PAQR3: variants seen among roughly 807,000 people sequenced by gnomAD.
PAQR3 encodes progestin and adipoQ receptor family member 3, also known as Raf kinase trapping to Golgi.
PAQR3 carries 39 observed loss-of-function variants against 41.7 expected under a neutral mutation model. The ratio of observed to expected loss-of-function variants is 0.93; its 90% CI spans 0.72 to 1.22. The LOEUF is 1.22. PAQR3 is among the 50% of genes most tolerant of loss of function. The probability of loss-of-function intolerance (pLI) is 0.00; values close to 1 mark genes in which losing one functional copy is unlikely to be tolerated. For synonymous variants in PAQR3, 140 were observed against 140.6 expected (o/e 1.00, Z 0.03); for missense variants, 366 against 385.6 (o/e 0.95, Z 0.42).
chr4:78,911,462 A>G, downstream of PAQR3: 14 of 1,614,066 alleles, frequency 8.7e-6, no homozygotes, highest in Non-Finnish European at 1.2e-5. Flanking sequence ...AAAGTCAAAC[A>G]GCGCAGCTTA....
chr4:78,926,847 T>C lies in PAQR3; in HGVS notation c.505-129A>G. On this transcript the variant is annotated intron_variant, in intron 3 of 5. Transcript: ENST00000512733. ...GTATTTGCATTTCAAAATAGGATTA[T>C]CTCCCTTCATTAAAAAATATGTTCC... 3.9e-6 allele frequency: 3 copies of C among 776,210 alleles called. No homozygotes were observed. In the East Asian group the frequency reaches 8.0e-5, roughly 21 times the overall value. The allele number at this position is 776,210 out of a possible 1,614,324, so 48.1% of individuals were successfully genotyped here.
chr4:78,904,289 A>T (rs1734174506), intron 11 of PAQR3, among the ~76,000 whole-genome samples: 1 of 151,770 alleles, frequency 6.6e-6, no homozygotes, highest in Non-Finnish European at 1.5e-5. Context: ...TTGCCCTAAA[A>T]TGTTGTGGGG....
chr4:78,931,497 A>G (rs915546078), intron 2 of PAQR3, among the ~76,000 whole-genome samples: 13 of 152,240 alleles, frequency 8.5e-5, no homozygotes, highest in Non-Finnish European at 1.6e-4. Flanking sequence ...AGCTGTTCTG[A>G]TAATTGATAA....
At chr4:78,896,528 A>G (rs1217631294) in intron 11 of PAQR3, among the ~76,000 whole-genome samples, 1 of 152,176 alleles carries the variant, frequency 6.6e-6, no homozygotes, top group African/African-American at 2.4e-5. Context: ...GATTAATAAG[A>G]AAAATATATG....
intron 11 of PAQR3, among the ~76,000 whole-genome samples, chr4:78,898,656 T>G (rs1189266101): frequency 1.4e-5 from 2 of 145,466 alleles, no homozygotes; most frequent in African/African-American, 5.1e-5. Flanking sequence ...AGACTCCATC[T>G]CAAAAAAAAA....
Position 78,912,101 on chromosome 4 carries a change from AAG to A in PAQR3, c.*8436_*8437del. ...AGTGTGAACAGTTTTATGAATTTGA[AAG>A]AAAATTTGGTAGCTCTTTATAGCAT... is the stretch of plus-strand genomic sequence containing the variant. On this transcript the variant is annotated 3_prime_UTR_variant, in exon 6 of 6. Transcript: ENST00000512733. 7.0e-7 allele frequency: 1 copy of A among 1,433,494 alleles called. No homozygotes were observed. The highest frequency in any genetic ancestry group is 9.5e-7 in the Non-Finnish European group (1 of 1,053,504). 88.8% of individuals were successfully genotyped at this position (1,433,494 alleles called of 1,614,324 possible).
chr4:78,922,555 A>G, intron 5 of PAQR3: 1 of 701,614 alleles, frequency 1.4e-6, no homozygotes, highest in Non-Finnish European at 2.2e-6. Flanking sequence ...GCCAAAACTT[A>G]CCTGGATTTG....
chr4:78,920,668 G>C lies in PAQR3; in HGVS notation c.807C>G (p.Tyr269Ter). The change falls in exon 6 of 6, where the codon TAC becomes TAG. Residue 269 changes from tyrosine (Y) to a stop codon, truncating the protein, a stop_gained. Coordinates refer to ENST00000512733, the MANE Select transcript of PAQR3 (RefSeq NM_001040202.2). LOFTEE classifies it high-confidence loss of function. ...PERYFPGQLN[Y>*]LGSSHQIWHI... ...GCCATATTTGGTGGCTTGATCCGAG[G>C]TAGTTTAGTTGTCCTGGAAAGAAGG... The C allele has an allele frequency of 6.2e-7, 1 of 1,605,958 alleles. No individual in the cohort carries two copies. Among genetic ancestry groups the C allele is most frequent in the Non-Finnish European group, 8.5e-7 (1 of 1,175,654 alleles).
At position 78,918,970 on chromosome 4, in the gene PAQR3, G is replaced by C. The variant is rs1305296973; in HGVS notation, c.*1569C>G. The stretch of plus-strand genomic sequence containing the variant: ...AGGTAAAACAGCCATTTTCAAAGCA[G>C]CCTTCCATCATAACGATGGGTAAGA... On this transcript the variant is annotated 3_prime_UTR_variant, in exon 6 of 6. Transcript: ENST00000512733. 3 of 984,924 alleles carry C rather than the reference G, an allele frequency of 3.0e-6. No individual in the cohort carries two copies. The highest frequency in any genetic ancestry group is 4.7e-5 in the South Asian group (1 of 21,276). 61.0% of individuals were successfully genotyped at this position (984,924 alleles called of 1,614,324 possible).
At position 78,887,644 on chromosome 4, in the gene PAQR3, A is replaced by G. The variant is rs527662299; in HGVS notation, c.*925-335T>C. ...TGCTCTCTTGTAGATGCATTTTAAA[A>G]GTATTAATAATTTTGTATTTGTCAC... On this transcript the variant is annotated intron_variant and NMD_transcript_variant, in intron 12 of 12. Transcript: ENST00000342820. Among the ~76,000 whole-genome samples the G allele has an allele frequency of 9.2e-5, 14 of 152,308 alleles. No individual in the cohort carries two copies. The South Asian group carries it at 2.9e-3, about 32-fold the overall frequency.
chr4:78,896,509 G>GTT (rs753360281), intron 11 of PAQR3, among the ~76,000 whole-genome samples: 8 of 152,046 alleles, frequency 5.3e-5, no homozygotes, highest in Non-Finnish European at 1.0e-4. Flanking sequence ...GTGACTCAGG[G>GTT]TTTTTAGTGA....
intron 11 of PAQR3, among the ~76,000 whole-genome samples, chr4:78,891,233 C>T (rs1466772546): frequency 1.3e-5 from 2 of 152,048 alleles, no homozygotes; most frequent in South Asian, 2.1e-4. Flanking sequence ...TTTTCTGATC[C>T]TTTATGTGTG....
chr4:78,918,942 A>AT lies in PAQR3; in HGVS notation c.*1596dup, dbSNP rs1735376450. 7.1e-6 allele frequency: 7 copies of AT among 985,100 alleles called. No homozygotes were observed. Among genetic ancestry groups the AT allele is most frequent in the Non-Finnish European group, 8.4e-6 (7 of 829,744 alleles). 61.0% of individuals were successfully genotyped at this position (985,100 alleles called of 1,614,324 possible). A position where few individuals can be genotyped will look rare whatever the true frequency, so the allele number is the denominator to read the frequency against. On this transcript the variant is annotated 3_prime_UTR_variant, in exon 6 of 6. Coordinates refer to ENST00000512733, the MANE Select transcript of PAQR3 (RefSeq NM_001040202.2). ...ACATATGGATCAAAATTTTAACCTT[A>AT]TAAGGTAAAACAGCCATTTTCAAAG...
At chr4:78,895,928 A>C (rs1217539953) in intron 11 of PAQR3, among the ~76,000 whole-genome samples, 1 of 151,860 alleles carries the variant, frequency 6.6e-6, no homozygotes, top group Non-Finnish European at 1.5e-5. Context: ...CGCCCAGCTA[A>C]TTTTTTAATT....
intron 5 of PAQR3, 28 bp from the exon 6 acceptor site, chr4:78,920,709 A>G (rs777225434): frequency 1.3e-6 from 2 of 1,588,122 alleles, no homozygotes; most frequent in Non-Finnish European, 1.7e-6. Flanking sequence ...AGAAAATGAT[A>G]ATGATTTCAA....
At position 78,915,738 on chromosome 4, in the gene PAQR3, G is replaced by C. The variant is rs1337386465; in HGVS notation, c.*4801C>G. ...ATCTAAGAGAACATTCACTCCTAGT[G>C]AGGGTTTACAAAAGCTACTAAGAGA... On this transcript the variant is annotated 3_prime_UTR_variant, in exon 6 of 6. Coordinates refer to ENST00000512733, the MANE Select transcript of PAQR3 (RefSeq NM_001040202.2). 1.3e-5 allele frequency: 2 copies of C among 151,966 alleles called. No individual in the cohort carries two copies. The allele number at this position is 151,966 out of a possible 1,614,324, so 9.4% of individuals were successfully genotyped here.
At chr4:78,897,271 AAATGTTCAGTAC>A (rs948230066) in intron 11 of PAQR3, among the ~76,000 whole-genome samples, 37 of 152,242 alleles carry the variant, frequency 2.4e-4, no homozygotes, top group Middle Eastern at 6.8e-3. Context: ...GCAGCTATAA[AAATGTTCAGTAC>A]AACATTAGTT....
chr4:78,911,238 A>G (rs1734577677), downstream of PAQR3: 4 of 1,614,022 alleles, frequency 2.5e-6, no homozygotes, highest in Non-Finnish European at 3.4e-6. Flanking sequence ...AATTTGATGT[A>G]TTCACAAAGG....
chr4:78,912,136 TAAAG>T lies in PAQR3; in HGVS notation c.*8399_*8402del. 9.7e-7 allele frequency: 1 copy of T among 1,027,784 alleles called. No homozygotes were observed. The highest frequency in any genetic ancestry group is 2.4e-5 in the East Asian group (1 of 41,808). The allele number at this position is 1,027,784 out of a possible 1,614,324, so 63.7% of individuals were successfully genotyped here. A position where few individuals can be genotyped will look rare whatever the true frequency, so the allele number is the denominator to read the frequency against. On this transcript the variant is annotated 3_prime_UTR_variant, in exon 6 of 6. Transcript: ENST00000512733. ...GGTAGCTCTTTATAGCATTCATTCT[TAAAG>T]ATCAGTCAGAATAGGTGATTTCTAA...
Sources: allele counts gnomAD v4.1 joint callset (sites outside exome capture counted in the v4.1 genomes callset), GRCh38; gene constraint gnomAD v4.1.1; transcripts MANE v1.5; gene names NCBI Gene and HGNC (gene_info 2026-07-23, HGNC 2026-07-21).